Variants in SEC22A observed in about 807,000 individuals in gnomAD.
SEC22A encodes vesicle-trafficking protein SEC22a.
A neutral mutation model predicts 35.3 loss-of-function variants in SEC22A; 22 were observed. The observed-to-expected ratio is 0.62, with a 90% CI of 0.45 to 0.89. The LOEUF (loss-of-function observed/expected upper bound fraction) is 0.89. SEC22A is among the 40% of genes least tolerant of loss of function. SEC22A has a pLI of 0.00. For missense variants in SEC22A, 354 were observed against 362.5 expected (o/e 0.98, Z 0.19); for synonymous variants, 119 against 129.5 (o/e 0.92, Z 0.55).
At chr3:123,243,932 A>T (rs957211906) in intron 4 of SEC22A, 1 of 152,220 alleles carries the variant, frequency 6.6e-6, no homozygotes, top group African/African-American at 2.4e-5. Context: ...AGAAGGCAAT[A>T]ATAACAAAAG....
intron 4 of SEC22A, among the ~76,000 whole-genome samples, chr3:123,240,978 A>C (rs1027039983): frequency 6.7e-5 from 10 of 148,716 alleles, no homozygotes; most frequent in African/African-American, 2.5e-4. Context: ...CACAAGCCAA[A>C]TAGATTTACT....
intron 4 of SEC22A, among the ~76,000 whole-genome samples, chr3:123,226,861 G>C (rs1937225977): frequency 6.6e-6 from 1 of 152,154 alleles, no homozygotes; most frequent in African/African-American, 2.4e-5. Flanking sequence ...TTAGATTTAA[G>C]TCTAATCCAT....
At position 123,209,310 on chromosome 3, in the gene SEC22A, G is replaced by A; in HGVS notation, c.93G>A (p.Gln31=). Residue 31 remains glutamine, a synonymous_variant, in exon 2 of 7, where the codon CAG becomes CAA. Transcript: ENST00000492595. ...ATTATGAACAAAGCACAGGAATGCAGGAGTGCAGAAAGTATTTTAAAATGC... is the reference window on the plus strand; with the variant it reads ...ATTATGAACAAAGCACAGGAATGCAAGAGTGCAGAAAGTATTTTAAAATGC... ...STDYEQSTGM[Q]ECRKYFKMLS... The A allele has an allele frequency of 1.9e-6, 3 of 1,614,018 alleles. No homozygotes were observed. Among genetic ancestry groups the A allele is most frequent in the African/African-American group, 1.3e-5 (1 of 75,048 alleles).
At chr3:123,242,421 C>G (rs1428308802) in intron 4 of SEC22A, among the ~76,000 whole-genome samples, 1 of 152,092 alleles carries the variant, frequency 6.6e-6, no homozygotes, top group Non-Finnish European at 1.5e-5. Flanking sequence ...TTTTTTTCCC[C>G]CTTTTGTTTG....
intron 6 of SEC22A, among the ~76,000 whole-genome samples, chr3:123,259,870 T>C (rs1295725655): frequency 6.6e-6 from 1 of 152,004 alleles, no homozygotes; most frequent in Non-Finnish European, 1.5e-5. Context: ...TGGTGGCTCA[T>C]GCCTGTAATC....
intron 4 of SEC22A, among the ~76,000 whole-genome samples, chr3:123,241,427 T>G (rs1937520871): frequency 6.6e-6 from 1 of 152,186 alleles, no homozygotes; most frequent in Non-Finnish European, 1.5e-5. Context: ...ACAGTCTGTT[T>G]CCCTAGGCAT....
intron 6 of SEC22A, among the ~76,000 whole-genome samples, 155 bp from the exon 7 acceptor site, chr3:123,271,367 T>G (rs1327239135): frequency 6.6e-6 from 1 of 152,250 alleles, no homozygotes; most frequent in South Asian, 2.1e-4. Flanking sequence ...CATAGCTGAA[T>G]GTCTTAGATA....
At chr3:123,251,823 C>G (rs886087071) in intron 5 of SEC22A, among the ~76,000 whole-genome samples, 2 of 152,140 alleles carry the variant, frequency 1.3e-5, no homozygotes, top group Non-Finnish European at 2.9e-5. Flanking sequence ...TGGTAAGTGA[C>G]TAGTGCTTGG....
At chr3:123,255,688 A>G (rs949615329) in intron 5 of SEC22A, among the ~76,000 whole-genome samples, 6 of 152,194 alleles carry the variant, frequency 3.9e-5, no homozygotes, top group Admixed American at 3.3e-4. Flanking sequence ...AGCATACTCA[A>G]TACTAATTTG....
rs971127073 is a variant in SEC22A at position 123,271,868 on chromosome 3, T to C, written c.*146T>C. Reference sequence around the variant, plus strand: ...CTTTCCTTTTTTAAAATCAGCATGATGTGCCTGTGAGCATGGAAGAGTCCT... The same window carrying C: ...CTTTCCTTTTTTAAAATCAGCATGACGTGCCTGTGAGCATGGAAGAGTCCT... On this transcript the variant is annotated 3_prime_UTR_variant, in exon 7 of 7. Transcript: ENST00000492595. 5 of 656,184 alleles carry C rather than the reference T, an allele frequency of 7.6e-6. No homozygotes were observed. Among genetic ancestry groups the C allele is most frequent in the African/African-American group, 7.5e-5 (4 of 53,618 alleles). 40.6% of individuals were successfully genotyped at this position (656,184 alleles called of 1,614,324 possible). A position where few individuals can be genotyped will look rare whatever the true frequency, so the allele number is the denominator to read the frequency against.
chr3:123,251,954 A>G (rs971612373), intron 5 of SEC22A, among the ~76,000 whole-genome samples: 9 of 152,208 alleles, frequency 5.9e-5, no homozygotes, highest in Non-Finnish European at 1.3e-4. Flanking sequence ...ATAAGTGAAC[A>G]AAAGGAGAAA....
At chr3:123,253,712 CA>C (rs550562079) in intron 5 of SEC22A, among the ~76,000 whole-genome samples, 247 of 103,216 alleles carry the variant, frequency 2.4e-3, no homozygotes, top group Middle Eastern at 0.011. Flanking sequence ...GACTCCATCT[CA>C]AAAAAAAAAA....
chr3:123,231,451 A>C lies in SEC22A; in HGVS notation c.541+6154A>C, dbSNP rs187997054. 2.7e-3 allele frequency among the ~76,000 whole-genome samples: 407 copies of C among 152,356 alleles called. 1 individual carries two copies. The highest frequency in any genetic ancestry group is 9.4e-3 in the African/African-American group (391 of 41,592). On this transcript the variant is annotated intron_variant, in intron 4 of 6. Coordinates refer to ENST00000492595, the MANE Select transcript of SEC22A (RefSeq NM_012430.5). ...AGAAAAACAAAACCTTCATAAATTT[A>C]AAAGGATAGAAATAGTACAAAGTAT...
chr3:123,270,783 G>A (rs560887350), intron 6 of SEC22A, among the ~76,000 whole-genome samples: 3 of 152,208 alleles, frequency 2.0e-5, no homozygotes, highest in East Asian at 3.9e-4. Flanking sequence ...TTTCTTGACC[G>A]TTTCATCTAA....
intron 4 of SEC22A, among the ~76,000 whole-genome samples, chr3:123,226,803 GGA>G (rs1937224637): frequency 6.6e-6 from 1 of 152,160 alleles, no homozygotes; most frequent in Non-Finnish European, 1.5e-5. Flanking sequence ...CCAATGTCCT[GGA>G]GAGTTTCCCC....
At chr3:123,227,544 A>T (rs187388158) in intron 4 of SEC22A, among the ~76,000 whole-genome samples, 1 of 152,240 alleles carries the variant, frequency 6.6e-6, no homozygotes, top group African/African-American at 2.4e-5. Context: ...ACCATGGCAC[A>T]TGTATACTTA....
At chr3:123,259,441 T>C (rs960594038) in intron 5 of SEC22A, 83 bp from the exon 6 acceptor site, 61 of 933,472 alleles carry the variant, frequency 6.5e-5, no homozygotes, top group Admixed American at 1.1e-4. Context: ...TTTGTAAATA[T>C]TGTTACATCC....
At position 123,274,061 on chromosome 3, in the gene SEC22A, G is replaced by A. The variant is rs1179046550; in HGVS notation, c.*2339G>A. 1 of 151,996 alleles carries A rather than the reference G, an allele frequency of 6.6e-6. No homozygotes were observed. Among genetic ancestry groups the A allele is most frequent in the African/African-American group, 2.4e-5 (1 of 41,372 alleles). 9.4% of individuals were successfully genotyped at this position (151,996 alleles called of 1,614,324 possible). A position where few individuals can be genotyped will look rare whatever the true frequency, so the allele number is the denominator to read the frequency against. On this transcript the variant is annotated 3_prime_UTR_variant, in exon 7 of 7. Transcript: ENST00000492595. ...TGTTTTTGTTTTTATTTTTTCACTGGCTATTTTGGATAAGAGGATGTTTAC... is the reference window on the plus strand; with the variant it reads ...TGTTTTTGTTTTTATTTTTTCACTGACTATTTTGGATAAGAGGATGTTTAC...
intron 6 of SEC22A, among the ~76,000 whole-genome samples, chr3:123,266,847 C>T (rs9834323): frequency 0.2 from 29,880 of 151,974 alleles, 3,040 homozygotes; most frequent in Middle Eastern, 0.27. Flanking sequence ...TAGTGTTATA[C>T]CAGTTGGCTA....
Sources: allele counts gnomAD v4.1 joint callset (sites outside exome capture counted in the v4.1 genomes callset), GRCh38; gene constraint gnomAD v4.1.1; transcripts MANE v1.5; gene names NCBI Gene and HGNC (gene_info 2026-07-23, HGNC 2026-07-21).